The following GRAMD4 variants were observed in gnomAD, a reference collection of about 807,000 sequenced individuals.
GRAMD4 encodes GRAM domain containing 4.
GRAMD4 carries 25 observed loss-of-function variants against 83.9 expected under a neutral mutation model. The ratio of observed to expected loss-of-function variants is 0.30; its 90% CI spans 0.22 to 0.42. The LOEUF is 0.42. GRAMD4 is among the 10% of genes least tolerant of loss of function. The pLI, the probability that GRAMD4 is intolerant of heterozygous loss-of-function variation, is 1.00. For missense variants in GRAMD4, 593 were observed against 788.7 expected, an observed-to-expected ratio of 0.75 and a Z score of 2.97; for synonymous variants, 336 against 320.9, an observed-to-expected ratio of 1.05 and a Z score of -0.50.
chr22:46,663,826 C>T lies in GRAMD4; in HGVS notation c.600-12C>T. The T allele has an allele frequency of 1.2e-6, 2 of 1,613,210 alleles. No individual in the cohort carries two copies. Among genetic ancestry groups the T allele is most frequent in the Non-Finnish European group, 1.7e-6 (2 of 1,179,830 alleles). ...TTAACCCTGGGCTCCCATCTCTCCC[C>T]TTCTCTCTTAGGTTAACTGAAAATA... is the stretch of plus-strand genomic sequence containing the variant. On this transcript the variant is annotated splice_polypyrimidine_tract_variant and intron_variant, in intron 6 of 18. Transcript: ENST00000406902.
chr22:46,657,049 A>G (rs1410602806), intron 3 of GRAMD4, among the ~76,000 whole-genome samples: 2 of 152,212 alleles, frequency 1.3e-5, no homozygotes, highest in African/African-American at 2.4e-5. Flanking sequence ...CCCGTAAACC[A>G]GCATTGTTCC....
At chr22:46,610,097 C>A (rs1042078075) in intron 1 of GRAMD4, among the ~76,000 whole-genome samples, 3 of 152,188 alleles carry the variant, frequency 2.0e-5, no homozygotes, top group Admixed American at 6.5e-5. Context: ...TTCTTCTGCC[C>A]CCAGGAACTT....
intron 1 of GRAMD4, among the ~76,000 whole-genome samples, chr22:46,613,461 A>G (rs1480940006): frequency 6.6e-6 from 1 of 152,264 alleles, no homozygotes; most frequent in Admixed American, 6.5e-5. Context: ...TGCAACCCCT[A>G]GCCCCGCACA....
chr22:46,599,358 C>G (rs997546951), intron 1 of GRAMD4, among the ~76,000 whole-genome samples: 4 of 149,766 alleles, frequency 2.7e-5, no homozygotes, highest in Non-Finnish European at 4.4e-5. Flanking sequence ...TGCTCTTGTT[C>G]CCCGGGCTAG....
intron 1 of GRAMD4, among the ~76,000 whole-genome samples, chr22:46,595,508 A>G (rs6007944): frequency 0.92 from 139,939 of 152,168 alleles, 64,473 homozygotes; most frequent in East Asian, 1. Context: ...GTATGGGCAC[A>G]GAGGTGCAGG....
At chr22:46,674,912 A>G (rs552789894) in intron 16 of GRAMD4, among the ~76,000 whole-genome samples, 162 bp downstream of exon 16, 1 of 152,284 alleles carries the variant, frequency 6.6e-6, no homozygotes, top group East Asian at 1.9e-4. Context: ...CCCAGGGAAA[A>G]GGTGTTGTCT....
chr22:46,607,205 A>AGTG (rs1555956233), intron 1 of GRAMD4, among the ~76,000 whole-genome samples: 1 of 108,862 alleles, frequency 9.2e-6, no homozygotes, highest in African/African-American at 2.9e-5. Context: ...GTCTTTAAAA[A>AGTG]GGGGGGGGTC....
rs1335298406 is a variant in GRAMD4 at position 46,671,499 on chromosome 22, A to T, written c.1085-1344A>T. On this transcript the variant is annotated intron_variant, in intron 13 of 18. Transcript: ENST00000406902. ...AAATAAAAAAATTAAAATTAAAATTAAAAAAAATTAGCCAGGCATGGTGGC... is the reference window on the plus strand; with the variant it reads ...AAATAAAAAAATTAAAATTAAAATTTAAAAAAATTAGCCAGGCATGGTGGC... 3.3e-5 allele frequency among the ~76,000 whole-genome samples: 5 copies of T among 149,662 alleles called. No homozygotes were observed. The East Asian group carries it at 5.9e-4, about 18-fold the overall frequency.
intron 11 of GRAMD4, 80 bp downstream of exon 11, chr22:46,668,247 G>T: frequency 1.0e-6 from 1 of 989,508 alleles, no homozygotes; most frequent in South Asian, 1.4e-5. Context: ...GCCGGCCAGG[G>T]GTAGGTCTCC....
rs1399573425 is a variant in GRAMD4 at position 46,679,145 on chromosome 22, C to G, written c.*1894C>G. 3.0e-6 allele frequency: 3 copies of G among 985,394 alleles called. No homozygotes were observed. The African/African-American group carries it at 5.2e-5, about 17-fold the overall frequency. The allele number at this position is 985,394 out of a possible 1,614,324, so 61.0% of individuals were successfully genotyped here. On this transcript the variant is annotated 3_prime_UTR_variant, in exon 19 of 19. Coordinates refer to ENST00000406902, the MANE Select transcript of GRAMD4 (RefSeq NM_015124.5). Reference sequence around the variant, plus strand: ...GCCCGCAGACAATGGCCACACCTCTCTCCCCAGGGCCCGGCAGTGCCCAAG... The same window carrying G: ...GCCCGCAGACAATGGCCACACCTCTGTCCCCAGGGCCCGGCAGTGCCCAAG...
chr22:46,644,237 G>A (rs1469199743), intron 3 of GRAMD4, among the ~76,000 whole-genome samples: 4 of 151,220 alleles, frequency 2.6e-5, no homozygotes, highest in African/African-American at 4.9e-5. Flanking sequence ...TCCCTGTTCC[G>A]TGTTACAACT....
chr22:46,614,269 C>T (rs1262174100), intron 1 of GRAMD4, among the ~76,000 whole-genome samples: 3 of 152,150 alleles, frequency 2.0e-5, no homozygotes, highest in Admixed American at 2.0e-4. Context: ...GTGTGTGCAC[C>T]AAGGGCGGGG....
chr22:46,675,675 T>A (rs2082586429), intron 17 of GRAMD4, 123 bp downstream of exon 17: 2 of 694,328 alleles, frequency 2.9e-6, no homozygotes, highest in Non-Finnish European at 5.2e-6. Flanking sequence ...GCGGCCACGC[T>A]GGCCGGCCAT....
At chr22:46,681,146 C>T (rs1395467305), downstream of GRAMD4, among the ~76,000 whole-genome samples, 4 of 151,758 alleles carry the variant, frequency 2.6e-5, no homozygotes, top group East Asian at 3.9e-4. Flanking sequence ...CTACCTAACC[C>T]GTTGGCAGCC....
Position 46,659,880 on chromosome 22 carries a change from G to GCT in GRAMD4, c.405-1500_405-1499dup. Among the ~76,000 whole-genome samples, 1 of 152,346 alleles carries GCT rather than the reference G, an allele frequency of 6.6e-6. No individual in the cohort carries two copies. Among genetic ancestry groups the GCT allele is most frequent in the Non-Finnish European group, 1.5e-5 (1 of 68,034 alleles). On this transcript the variant is annotated intron_variant, in intron 4 of 18. Transcript: ENST00000406902. The surrounding 1 kb of genome is among the most constrained non-coding windows in gnomAD (Gnocchi z 4.1). ...CTGGGAAAATCCACAGAAGCTCAAA[G>GCT]CTTAAATTACATTTAATTATGTAGA...
intron 3 of GRAMD4, among the ~76,000 whole-genome samples, chr22:46,640,790 C>T (rs914545713): frequency 3.3e-5 from 5 of 152,116 alleles, no homozygotes; most frequent in Non-Finnish European, 7.4e-5. Flanking sequence ...TTCCCCGACA[C>T]GCCCTCTCCC....
chr22:46,679,693 AAC>A lies in GRAMD4; in HGVS notation c.*2444_*2445del, dbSNP rs753689173. On this transcript the variant is annotated 3_prime_UTR_variant, in exon 19 of 19. Coordinates refer to ENST00000406902, the MANE Select transcript of GRAMD4 (RefSeq NM_015124.5). ...GAACCGATGAAAAAAATTCTCCTGT[AAC>A]ATTTTTTTAAGAAAACTTTGTTTGT... 1.4e-4 allele frequency: 134 copies of A among 978,962 alleles called. No homozygotes were observed. The highest frequency in any genetic ancestry group is 1.6e-4 in the Non-Finnish European group (133 of 823,916). The allele number at this position is 978,962 out of a possible 1,614,324, so 60.6% of individuals were successfully genotyped here.
intron 1 of GRAMD4, among the ~76,000 whole-genome samples, chr22:46,595,115 G>C (rs572881506): frequency 6.6e-6 from 1 of 152,140 alleles, no homozygotes; most frequent in Non-Finnish European, 1.5e-5. Context: ...GGCCCGGGGG[G>C]AGAGTGTGCC....
intron 9 of GRAMD4, among the ~76,000 whole-genome samples, chr22:46,666,051 T>A (rs543885393): frequency 6.6e-6 from 1 of 152,252 alleles, no homozygotes; most frequent in Non-Finnish European, 1.5e-5. Context: ...GGAAGGTTCC[T>A]GCTGGCTGCC....
Sources: gnomAD v4.1 joint callset for allele counts (sites outside exome capture counted in the v4.1 genomes callset) on GRCh38, gnomAD v4.1.1 for gene constraint, Gnocchi (gnomAD v3.1) non-coding constraint, MANE v1.5 for transcripts, NCBI Gene and HGNC (gene_info 2026-07-23, HGNC 2026-07-21) for gene names.